The following NEK6 variants were observed in gnomAD, a reference collection of about 807,000 sequenced individuals.
NEK6 encodes serine/threonine-protein kinase Nek6.
A neutral mutation model predicts 43.5 loss-of-function variants in NEK6; 27 were observed. That is an observed-to-expected ratio of 0.62 (90% CI 0.46 to 0.86). The LOEUF (loss-of-function observed/expected upper bound fraction) is 0.86, where lower values mean the gene tolerates loss of function less well. NEK6 is among the 40% of genes least tolerant of loss of function. The probability of loss-of-function intolerance (pLI) is 0.00; values close to 1 mark genes in which losing one functional copy is unlikely to be tolerated. For synonymous variants in NEK6, 167 were observed against 164.1 expected (o/e 1.02, Z -0.14); for missense variants, 318 against 414.4 (o/e 0.77, Z 2.02).
intron 4 of NEK6, 98 bp downstream of exon 4, chr9:124,314,083 G>A: frequency 9.5e-7 from 1 of 1,056,946 alleles, no homozygotes; most frequent in Non-Finnish European, 1.4e-6. Context: ...TGGGTGCCAG[G>A]AATCCGCAGC....
rs142165782 is a variant in NEK6, at chr9:124,334,630, G to A, written c.623-4941G>A. 9.8e-5 allele frequency among the ~76,000 whole-genome samples: 15 copies of A among 152,342 alleles called. No individual in the cohort carries two copies. In the East Asian group the frequency reaches 2.7e-3, roughly 27 times the overall value. ...GACAGAACAAAGGGACAAACCTAAC[G>A]TTTGGGTCCTGCTGAGCAGCCGGCT... On this transcript the variant is annotated intron_variant, in intron 7 of 9. Transcript: ENST00000320246.
In NEK6 at chr9:124,274,591, G is replaced by A. The variant is rs1288226767; in HGVS notation, c.-30+16506G>A. ...AGCAGAGTGTGGACTCACAGTCCGGGTACCTGTCAGCAGCCTGTCCCAGCA... is the reference window on the plus strand; with the variant it reads ...AGCAGAGTGTGGACTCACAGTCCGGATACCTGTCAGCAGCCTGTCCCAGCA... On this transcript the variant is annotated intron_variant, in intron 1 of 9. Transcript: ENST00000320246. Among the ~76,000 whole-genome samples the A allele has an allele frequency of 2.6e-5, 4 of 152,186 alleles. No individual in the cohort carries two copies. In the South Asian group the frequency reaches 8.3e-4, roughly 31 times the overall value.
intron 4 of NEK6, among the ~76,000 whole-genome samples, chr9:124,317,946 C>G (rs533637032): frequency 6.6e-6 from 1 of 152,138 alleles, no homozygotes; most frequent in Non-Finnish European, 1.5e-5. Flanking sequence ...TAGATTGATT[C>G]GGTGTCTTTG....
chr9:124,351,903 C>G lies in NEK6; in HGVS notation c.*956C>G, dbSNP rs1830294957. ...AATAAAATATGCAAGTTAGCTAATA[C>G]AAAAAGTAGATGATCCAAAAATGGT... On this transcript the variant is annotated 3_prime_UTR_variant, in exon 10 of 10. Coordinates refer to ENST00000320246, the MANE Select transcript of NEK6 (RefSeq NM_014397.6). 6.6e-6 allele frequency: 1 copy of G among 152,452 alleles called. No individual in the cohort carries two copies. The highest frequency in any genetic ancestry group is 1.5e-5 in the Non-Finnish European group (1 of 68,014). The allele number at this position is 152,452 out of a possible 1,614,324, so 9.4% of individuals were successfully genotyped here. A position where few individuals can be genotyped will look rare whatever the true frequency, so the allele number is the denominator to read the frequency against.
At position 124,343,974 on chromosome 9, in the gene NEK6, T is replaced by C. The variant is rs1186253488; in HGVS notation, c.718-3735T>C. Among the ~76,000 whole-genome samples the C allele has an allele frequency of 1.3e-5, 2 of 152,214 alleles. No homozygotes were observed. The highest frequency in any genetic ancestry group is 2.4e-5 in the African/African-American group (1 of 41,456). ...CTGGAGGCCAGATGTCCAAAATCAG[T>C]CTCGCTGGGCTAAGTCAAGGTGTCA... On this transcript the variant is annotated intron_variant, in intron 8 of 9. Coordinates refer to ENST00000320246, the MANE Select transcript of NEK6 (RefSeq NM_014397.6). This position sits in a 1 kb window ranked among gnomAD's most constrained non-coding sequence, Gnocchi z 5.1.
intron 1 of NEK6, among the ~76,000 whole-genome samples, chr9:124,291,249 G>A (rs376742914): frequency 1.3e-5 from 2 of 152,158 alleles, no homozygotes; most frequent in East Asian, 1.9e-4. Flanking sequence ...CAGGACTGCC[G>A]CCTGCCAGGG....
chr9:124,267,457 G>A (rs12379417), intron 1 of NEK6, among the ~76,000 whole-genome samples: 41,072 of 152,200 alleles, frequency 0.27, 6,630 homozygotes, highest in South Asian at 0.37. Context: ...TCTCCTCCGG[G>A]AATGTAGTGG....
chr9:124,261,826 G>C (rs543128604), intron 1 of NEK6, among the ~76,000 whole-genome samples: 1 of 152,172 alleles, frequency 6.6e-6, no homozygotes, highest in African/African-American at 2.4e-5. Flanking sequence ...TTTGAGATGC[G>C]TTAATTTAAG....
intron 7 of NEK6, among the ~76,000 whole-genome samples, chr9:124,335,615 G>C (rs572995622): frequency 6.6e-6 from 1 of 152,354 alleles, no homozygotes; most frequent in East Asian, 1.9e-4. Flanking sequence ...CCGCCACATA[G>C]CTCACAGGCA....
intron 1 of NEK6, among the ~76,000 whole-genome samples, chr9:124,296,889 C>T (rs994150351): frequency 6.6e-6 from 1 of 152,228 alleles, no homozygotes; most frequent in African/African-American, 2.4e-5. Flanking sequence ...AGAAAGGCCA[C>T]TTGGAACCTC....
chr9:124,349,502 G>A (rs1321434213), intron 9 of NEK6, among the ~76,000 whole-genome samples: 1 of 152,178 alleles, frequency 6.6e-6, no homozygotes, highest in Non-Finnish European at 1.5e-5. Flanking sequence ...ACTGGCTCTC[G>A]CCGGGCCCCA....
chr9:124,264,732 T>C (rs1241596453), intron 1 of NEK6, among the ~76,000 whole-genome samples: 4 of 150,166 alleles, frequency 2.7e-5, no homozygotes, highest in African/African-American at 9.8e-5. Context: ...TGAGAATCAC[T>C]TGAACCTGGG....
chr9:124,285,102 C>T (rs1251580930), intron 1 of NEK6, among the ~76,000 whole-genome samples: 5 of 152,150 alleles, frequency 3.3e-5, no homozygotes, highest in Admixed American at 6.5e-5. Flanking sequence ...TGAAGAATTT[C>T]GTTTTGGAAG....
At chr9:124,320,559 C>G (rs1281638997) in intron 4 of NEK6, among the ~76,000 whole-genome samples, 1 of 152,188 alleles carries the variant, frequency 6.6e-6, no homozygotes, top group Non-Finnish European at 1.5e-5. Flanking sequence ...ATATTCGAGT[C>G]CCCTCTGCTT....
intron 5 of NEK6, among the ~76,000 whole-genome samples, chr9:124,325,661 C>T (rs932788112): frequency 6.6e-6 from 1 of 152,268 alleles, no homozygotes; most frequent in Non-Finnish European, 1.5e-5. Context: ...CTGTTACTTA[C>T]AGCTCACTCA....
chr9:124,345,855 T>C (rs942229781), intron 8 of NEK6, among the ~76,000 whole-genome samples: 4 of 152,194 alleles, frequency 2.6e-5, no homozygotes, highest in Admixed American at 2.6e-4. Flanking sequence ...ATTAACCCTT[T>C]GCACCCGAGA....
intron 1 of NEK6, chr9:124,261,537 G>A (rs958916883): frequency 2.1e-5 from 21 of 985,318 alleles, no homozygotes; most frequent in South Asian, 9.4e-5. Context: ...TCACCTTCAC[G>A]GGCCTGACTC....
intron 5 of NEK6, among the ~76,000 whole-genome samples, chr9:124,322,768 C>T (rs773372721): frequency 2.6e-5 from 4 of 152,378 alleles, no homozygotes; most frequent in Admixed American, 1.3e-4. Flanking sequence ...GAAACGGGGC[C>T]GGATGTGGGT....
chr9:124,282,127 C>A (rs1342307537), intron 1 of NEK6, among the ~76,000 whole-genome samples: 1 of 152,230 alleles, frequency 6.6e-6, no homozygotes, highest in Non-Finnish European at 1.5e-5. Flanking sequence ...GAAATTCATT[C>A]TCTCTTGGAG....
Sources: gnomAD v4.1 joint callset for allele counts (sites outside exome capture counted in the v4.1 genomes callset) on GRCh38, gnomAD v4.1.1 for gene constraint, Gnocchi (gnomAD v3.1) non-coding constraint, MANE v1.5 for transcripts, NCBI Gene and HGNC (gene_info 2026-07-23, HGNC 2026-07-21) for gene names.